GRM8: variants seen among roughly 807,000 people sequenced by gnomAD.
GRM8 encodes the protein glutamate metabotropic receptor 8.
Under a neutral mutation model 87.2 loss-of-function variants are expected in GRM8, and 47 were observed. The observed-to-expected ratio is 0.54, with a 90% CI of 0.43 to 0.69. The LOEUF (loss-of-function observed/expected upper bound fraction) is 0.69. Among genes scored for constraint, GRM8 ranks in the 30% least tolerant of loss-of-function variants. GRM8 has a pLI of 0.00. For missense variants in GRM8, 1,019 were observed against 1,139.2 expected, an observed-to-expected ratio of 0.89 and a Z score of 1.52; for synonymous variants, 396 against 404.5, an observed-to-expected ratio of 0.98 and a Z score of 0.25.
At chr7:127,199,161 A>AG (rs1484035730) in intron 2 of GRM8, among the ~76,000 whole-genome samples, 7 of 150,862 alleles carry the variant, frequency 4.6e-5, no homozygotes, top group Non-Finnish European at 1.0e-4. Context: ...TTTAAGAGAG[A>AG]GGGGTCTCAC....
intron 2 of GRM8, among the ~76,000 whole-genome samples, chr7:127,210,802 T>A (rs1283558920): frequency 6.6e-6 from 1 of 151,748 alleles, no homozygotes; most frequent in Admixed American, 6.6e-5. Context: ...AGATTCAACA[T>A]CTGACCGACA....
rs202057777 is a variant in GRM8, at chr7:126,732,262, G to T, written c.1357+37603C>A. ...TATTAATGATGATAAAAGACCAGTT[G>T]TAAAAGAACATCTGTTATAAAAGTT... On this transcript the variant is annotated intron_variant, in intron 7 of 10. Coordinates refer to ENST00000339582, the MANE Select transcript of GRM8 (RefSeq NM_000845.3). 7.2e-5 allele frequency among the ~76,000 whole-genome samples: 11 copies of T among 152,182 alleles called. No homozygotes were observed. In the East Asian group the frequency reaches 1.9e-3, roughly 27 times the overall value.
At chr7:127,034,835 C>T (rs377615564) in intron 3 of GRM8, among the ~76,000 whole-genome samples, 3 of 152,194 alleles carry the variant, frequency 2.0e-5, no homozygotes, top group East Asian at 3.9e-4. Flanking sequence ...TCATTCTTTC[C>T]TCCCTAAAAA....
chr7:126,720,798 A>C (rs960942619), intron 7 of GRM8, among the ~76,000 whole-genome samples: 3 of 152,230 alleles, frequency 2.0e-5, no homozygotes, highest in Admixed American at 1.3e-4. Flanking sequence ...TACTTTTACA[A>C]AACAGGAAAA....
intron 7 of GRM8, among the ~76,000 whole-genome samples, chr7:126,691,264 T>C (rs1808776719): frequency 6.6e-6 from 1 of 152,186 alleles, no homozygotes; most frequent in Non-Finnish European, 1.5e-5. Context: ...CAAGTGTGCA[T>C]GCATGCACCT....
intron 3 of GRM8, among the ~76,000 whole-genome samples, chr7:127,029,504 A>G (rs1277696724): frequency 2.0e-5 from 3 of 152,128 alleles, no homozygotes; most frequent in Non-Finnish European, 4.4e-5. Flanking sequence ...TTGCTTTATG[A>G]ATCTGGGTGC....
intron 8 of GRM8, among the ~76,000 whole-genome samples, chr7:126,563,956 G>A (rs1190459064): frequency 1.3e-5 from 2 of 152,128 alleles, no homozygotes; most frequent in African/African-American, 4.8e-5. Context: ...CTAAACCAGT[G>A]GTATAAAAAT....
chr7:126,608,410 A>T (rs1798578483), intron 8 of GRM8, among the ~76,000 whole-genome samples: 1 of 152,160 alleles, frequency 6.6e-6, no homozygotes, highest in African/African-American at 2.4e-5. Flanking sequence ...AAAGAAACAG[A>T]ACTCTGGGTG....
chr7:127,118,534 G>A (rs898521426), intron 2 of GRM8, among the ~76,000 whole-genome samples: 27 of 152,124 alleles, frequency 1.8e-4, no homozygotes, highest in Admixed American at 3.9e-4. Context: ...GTGTGTGTGC[G>A]TACACATGTG....
In GRM8 at chr7:126,861,178, T is replaced by C. The variant is rs535497811; in HGVS notation, c.1156+41364A>G. ...TGCTGTGAATCCTTCCCTATCCATA[T>C]TTTTATTTTCCCTCATATGTATCTA... On this transcript the variant is annotated intron_variant, in intron 6 of 10. Transcript: ENST00000339582. Among the ~76,000 whole-genome samples, 189 of 152,274 alleles carry C rather than the reference T, an allele frequency of 1.2e-3. 1 individual carries two copies. Among genetic ancestry groups the C allele is most frequent in the African/African-American group, 4.4e-3 (181 of 41,572 alleles).
intron 2 of GRM8, among the ~76,000 whole-genome samples, chr7:127,134,933 A>G (rs1296664894): frequency 1.3e-5 from 2 of 152,304 alleles, no homozygotes; most frequent in Middle Eastern, 3.4e-3. Context: ...ATTTTTAAAA[A>G]TGTATTAAAC....
intron 7 of GRM8, among the ~76,000 whole-genome samples, chr7:126,737,531 C>G (rs190657324): frequency 2.1e-4 from 32 of 152,046 alleles, no homozygotes; most frequent in Non-Finnish European, 3.7e-4. Flanking sequence ...CGTAATTCCC[C>G]CGTCTTGATA....
intron 3 of GRM8, among the ~76,000 whole-genome samples, chr7:126,979,134 C>T (rs1763411134): frequency 1.3e-5 from 2 of 152,160 alleles, no homozygotes; most frequent in African/African-American, 4.8e-5. Flanking sequence ...CATCTGCTCC[C>T]ACATGCAGCT....
intron 7 of GRM8, among the ~76,000 whole-genome samples, chr7:126,744,550 C>G (rs1428117360): frequency 6.6e-6 from 1 of 151,902 alleles, no homozygotes; most frequent in Non-Finnish European, 1.5e-5. Flanking sequence ...CTCAGTGAAC[C>G]AATATTTTGC....
chr7:127,031,493 C>T (rs758414116), intron 3 of GRM8, among the ~76,000 whole-genome samples: 1 of 152,030 alleles, frequency 6.6e-6, no homozygotes, highest in Non-Finnish European at 1.5e-5. Flanking sequence ...CACTGCAAAT[C>T]CACCTAAATC....
chr7:127,051,895 A>C (rs1819531527), intron 3 of GRM8, among the ~76,000 whole-genome samples: 1 of 150,702 alleles, frequency 6.6e-6, no homozygotes, highest in African/African-American at 2.5e-5. Context: ...TAAGAATGAT[A>C]CATAGCCCTT....
chr7:127,156,735 G>T (rs1390698826), intron 2 of GRM8, among the ~76,000 whole-genome samples: 1 of 152,034 alleles, frequency 6.6e-6, no homozygotes, highest in Non-Finnish European at 1.5e-5. Context: ...CAGAACTAAT[G>T]AAAACGAGAA....
chr7:126,661,368 T>A (rs1805147464), intron 7 of GRM8, among the ~76,000 whole-genome samples: 1 of 152,240 alleles, frequency 6.6e-6, no homozygotes, highest in East Asian at 1.9e-4. Context: ...CTTTATTGAA[T>A]TTGAATTTTT....
chr7:127,130,340 G>C (rs1313318860), intron 2 of GRM8, among the ~76,000 whole-genome samples: 2 of 152,190 alleles, frequency 1.3e-5, no homozygotes, highest in African/African-American at 4.8e-5. Context: ...ACAGGCAGAG[G>C]TTGGAACAGT....
Sources: allele counts gnomAD v4.1 joint callset (sites outside exome capture counted in the v4.1 genomes callset), GRCh38; gene constraint gnomAD v4.1.1; transcripts MANE v1.5; gene names NCBI Gene and HGNC (gene_info 2026-07-23, HGNC 2026-07-21).